FHIT: variants seen among roughly 807,000 people sequenced by gnomAD.
FHIT encodes the protein bis(5'-adenosyl)-triphosphatase.
A neutral mutation model predicts 17.9 loss-of-function variants in FHIT; 19 were observed. The ratio of observed to expected loss-of-function variants is 1.06; its 90% CI spans 0.74 to 1.56. The LOEUF (loss-of-function observed/expected upper bound fraction) is 1.56. Among genes scored for constraint, FHIT ranks in the 40% most tolerant of loss-of-function variants. FHIT has a pLI of 0.00. For synonymous variants in FHIT, 81 were observed against 69.7 expected, an observed-to-expected ratio of 1.16 and a Z score of -0.81; for missense variants, 248 against 189.2, an observed-to-expected ratio of 1.31 and a Z score of -1.82.
chr3:60,002,345 T>A (rs1238120037), intron 7 of FHIT, among the ~76,000 whole-genome samples: 3 of 152,120 alleles, frequency 2.0e-5, no homozygotes, highest in African/African-American at 7.2e-5. Flanking sequence ...CCTGAGGTTT[T>A]GGATTAATCT....
intron 5 of FHIT, among the ~76,000 whole-genome samples, chr3:60,528,137 C>A (rs372694843): frequency 1.3e-5 from 2 of 152,206 alleles, no homozygotes; most frequent in South Asian, 2.1e-4. Context: ...TCACACCTAG[C>A]CAATAAACTT....
At chr3:61,073,434 A>G (rs562930458) in intron 2 of FHIT, among the ~76,000 whole-genome samples, 20 of 152,290 alleles carry the variant, frequency 1.3e-4, no homozygotes, top group South Asian at 4.1e-4. Flanking sequence ...TCCTCTTCCC[A>G]TATTCTTCTG....
intron 8 of FHIT, among the ~76,000 whole-genome samples, chr3:59,830,711 AC>A (rs1173856223): frequency 6.6e-6 from 1 of 152,206 alleles, no homozygotes; most frequent in African/African-American, 2.4e-5. Context: ...CAGGTCAACC[AC>A]AGCACAGCCA....
At position 59,859,248 on chromosome 3, in the gene FHIT, T is replaced by A. The variant is rs151073343; in HGVS notation, c.348+63098A>T. 2.4e-4 allele frequency among the ~76,000 whole-genome samples: 37 copies of A among 152,300 alleles called. No individual in the cohort carries two copies. The East Asian group carries it at 6.8e-3, about 28-fold the overall frequency. On this transcript the variant is annotated intron_variant, in intron 8 of 9. Coordinates refer to ENST00000492590, the MANE Select transcript of FHIT (RefSeq NM_002012.4). ...AGTGTGGTTGCCTTCTGATGTGATATGCTGAGAAGAGCTCAGCAGCGTTTT... is the reference window on the plus strand; with the variant it reads ...AGTGTGGTTGCCTTCTGATGTGATAAGCTGAGAAGAGCTCAGCAGCGTTTT...
At chr3:60,095,442 A>G (rs1703906489) in intron 5 of FHIT, among the ~76,000 whole-genome samples, 1 of 152,152 alleles carries the variant, frequency 6.6e-6, no homozygotes, top group Non-Finnish European at 1.5e-5. Context: ...AAAATTGGAG[A>G]GCTTAAAATG....
intron 3 of FHIT, among the ~76,000 whole-genome samples, chr3:60,945,263 T>C (rs1409883507): frequency 1.3e-5 from 2 of 151,750 alleles, no homozygotes; most frequent in African/African-American, 2.4e-5. Flanking sequence ...AGAAAACCAA[T>C]GTCAACAGAC....
At chr3:61,183,375 G>C (rs986138873) in intron 2 of FHIT, among the ~76,000 whole-genome samples, 2 of 146,832 alleles carry the variant, frequency 1.4e-5, no homozygotes, top group African/African-American at 5.0e-5. Context: ...GCTTACCTAA[G>C]GTATATCCCC....
At chr3:61,052,434 C>T (rs113255847) in intron 2 of FHIT, among the ~76,000 whole-genome samples, 6,567 of 152,222 alleles carry the variant, frequency 0.043, 191 homozygotes, top group Non-Finnish European at 0.067. Context: ...TCGGTGCTTG[C>T]GGCTTGTGTT....
intron 5 of FHIT, among the ~76,000 whole-genome samples, chr3:60,160,543 C>G (rs998382090): frequency 1.3e-5 from 2 of 152,210 alleles, no homozygotes; most frequent in African/African-American, 4.8e-5. Context: ...CATCCACTCA[C>G]AGGACTTCTC....
At chr3:60,543,515 TAG>T (rs1295955700) in intron 4 of FHIT, among the ~76,000 whole-genome samples, 2 of 152,190 alleles carry the variant, frequency 1.3e-5, no homozygotes, top group Non-Finnish European at 1.5e-5. Flanking sequence ...ACTCTTGTAA[TAG>T]AGTTTTAAAT....
intron 2 of FHIT, among the ~76,000 whole-genome samples, chr3:61,123,164 T>C (rs1369094312): frequency 6.6e-6 from 1 of 152,148 alleles, no homozygotes; most frequent in African/African-American, 2.4e-5. Flanking sequence ...TGGAATACGA[T>C]GCAGCCATAA....
chr3:59,794,253 T>G (rs975870622), intron 8 of FHIT, among the ~76,000 whole-genome samples: 1 of 152,166 alleles, frequency 6.6e-6, no homozygotes, highest in Non-Finnish European at 1.5e-5. Context: ...TTTCAGACGT[T>G]TTGCACTGAA....
chr3:60,028,073 G>A (rs17061862), intron 5 of FHIT, among the ~76,000 whole-genome samples: 1,702 of 152,168 alleles, frequency 0.011, 107 homozygotes, highest in Admixed American at 0.1. Context: ...CATCAGGAGA[G>A]GCCACAAATT....
At chr3:60,854,783 T>C (rs1553749432) in intron 3 of FHIT, among the ~76,000 whole-genome samples, 1 of 152,120 alleles carries the variant, frequency 6.6e-6, no homozygotes, top group African/African-American at 2.4e-5. Context: ...GGTCATACAG[T>C]CTTTCCTAAC....
At chr3:60,105,508 C>T (rs566549820) in intron 5 of FHIT, among the ~76,000 whole-genome samples, 7 of 152,188 alleles carry the variant, frequency 4.6e-5, no homozygotes, top group Non-Finnish European at 1.0e-4. Flanking sequence ...AGGACAAGAC[C>T]TCATTCAACC....
In FHIT at chr3:60,194,774, G is replaced by A. The variant is rs375489817; in HGVS notation, c.104-180622C>T. Among the ~76,000 whole-genome samples the A allele has an allele frequency of 4.6e-5, 7 of 152,134 alleles. No individual in the cohort carries two copies. The East Asian group carries it at 1.2e-3, about 25-fold the overall frequency. On this transcript the variant is annotated intron_variant, in intron 5 of 9. Coordinates refer to ENST00000492590, the MANE Select transcript of FHIT (RefSeq NM_002012.4). ...ATAATCCCATTAAAAAATGGGCAAA[G>A]GACATGAACAGACATTTCTCAAAAG...
chr3:60,771,055 A>G (rs1207881238), intron 4 of FHIT, among the ~76,000 whole-genome samples: 1 of 152,224 alleles, frequency 6.6e-6, no homozygotes, highest in African/African-American at 2.4e-5. Context: ...TTTACCTTTA[A>G]GCCATAAGCA....
chr3:61,055,742 C>T (rs1431330624), intron 2 of FHIT, among the ~76,000 whole-genome samples: 1 of 152,152 alleles, frequency 6.6e-6, no homozygotes, highest in African/African-American at 2.4e-5. Context: ...AGGTGGAATC[C>T]ATGAGTGACA....
At chr3:61,008,879 A>G (rs2031616625) in intron 3 of FHIT, among the ~76,000 whole-genome samples, 1 of 152,188 alleles carries the variant, frequency 6.6e-6, no homozygotes, top group East Asian at 1.9e-4. Context: ...TTAAAAAATA[A>G]TGGAACTAAT....
Sources: gnomAD v4.1 joint callset for allele counts (sites outside exome capture counted in the v4.1 genomes callset) on GRCh38, gnomAD v4.1.1 for gene constraint, MANE v1.5 for transcripts, NCBI Gene and HGNC (gene_info 2026-07-23, HGNC 2026-07-21) for gene names.